The following LRBA variants were observed in gnomAD, a reference collection of about 807,000 sequenced individuals.
LRBA encodes the protein LPS responsive beige-like anchor protein, also known as lipopolysaccharide-responsive and beige-like anchor protein.
In LRBA, 176 loss-of-function variants were observed where a neutral mutation model predicts 330.0. The ratio of observed to expected loss-of-function variants is 0.53; its 90% CI spans 0.47 to 0.60. LRBA has a LOEUF of 0.60. Ranked by LOEUF, LRBA falls within the 20% of genes least tolerant of loss-of-function variation. LRBA has a pLI of 0.00. For missense variants in LRBA, 3,259 were observed against 3,444.8 expected, an observed-to-expected ratio of 0.95 and a Z score of 1.35; for synonymous variants, 1,230 against 1,193.0, an observed-to-expected ratio of 1.03 and a Z score of -0.64.
Position 150,905,870 on chromosome 4 carries a change from TAAG to T in LRBA, c.1720_1722del (p.Leu574del). 2 of 1,613,652 alleles carry T rather than the reference TAAG, an allele frequency of 1.2e-6. No individual in the cohort carries two copies. Among genetic ancestry groups the T allele is most frequent in the Non-Finnish European group, 1.7e-6 (2 of 1,179,662 alleles). On this transcript the variant is annotated inframe_deletion, in exon 13 of 57. Coordinates refer to ENST00000651943, the MANE Select transcript of LRBA (RefSeq NM_001364905.1). Reference sequence around the variant, plus strand: ...GGGGTATGAATCCATATGGCAGGATTAAGAAGAACGTGATCACACAATTGCTTG... The same window carrying T: ...GGGGTATGAATCCATATGGCAGGATTAAGAACGTGATCACACAATTGCTTG...
At chr4:150,600,361 C>A (rs1022002118) in intron 37 of LRBA, among the ~76,000 whole-genome samples, 3 of 151,966 alleles carry the variant, frequency 2.0e-5, no homozygotes, top group Non-Finnish European at 2.9e-5. Flanking sequence ...TCCCAAACTA[C>A]CCAAGTAAAA....
intron 2 of LRBA, among the ~76,000 whole-genome samples, chr4:150,943,503 C>T (rs549435604): frequency 4.1e-4 from 63 of 152,150 alleles, no homozygotes; most frequent in Non-Finnish European, 7.8e-4. Context: ...TTCACCCAGA[C>T]CCCTAAATCC....
chr4:150,500,446 G>A (rs1438721219), intron 40 of LRBA, among the ~76,000 whole-genome samples: 11 of 151,926 alleles, frequency 7.2e-5, no homozygotes, highest in African/African-American at 1.5e-4. Context: ...GTCTGGTGGC[G>A]GGCGCCTGTA....
At chr4:150,888,619 C>T (rs796910311) in intron 17 of LRBA, among the ~76,000 whole-genome samples, 12 of 151,712 alleles carry the variant, frequency 7.9e-5, no homozygotes, top group African/African-American at 2.2e-4. Flanking sequence ...TCTAGAGCAA[C>T]CACCAAAAAA....
At chr4:150,421,508 T>C (rs1401438165) in intron 46 of LRBA, among the ~76,000 whole-genome samples, 1 of 151,970 alleles carries the variant, frequency 6.6e-6, no homozygotes, top group East Asian at 1.9e-4. Context: ...AAGGGTGATG[T>C]AGCACATCAT....
chr4:150,518,623 C>T (rs893123433), intron 40 of LRBA, among the ~76,000 whole-genome samples: 10 of 152,128 alleles, frequency 6.6e-5, no homozygotes, highest in African/African-American at 2.4e-4. Flanking sequence ...TCCCTTCCTT[C>T]TCATTGTCCT....
intron 30 of LRBA, among the ~76,000 whole-genome samples, chr4:150,820,921 G>C (rs1353907380): frequency 2.6e-5 from 4 of 151,986 alleles, no homozygotes; most frequent in Admixed American, 2.6e-4. Flanking sequence ...CAATAGTTAA[G>C]ATTGATCATG....
At chr4:150,911,414 T>G (rs1022697017) in intron 9 of LRBA, among the ~76,000 whole-genome samples, 17 of 152,114 alleles carry the variant, frequency 1.1e-4, no homozygotes, top group African/African-American at 4.1e-4. Flanking sequence ...GAAAGAGTGT[T>G]GAATTTTGTC....
At chr4:150,858,074 G>A (rs932947017) in intron 22 of LRBA, among the ~76,000 whole-genome samples, 6 of 152,144 alleles carry the variant, frequency 3.9e-5, no homozygotes, top group Non-Finnish European at 8.8e-5. Context: ...TTGGATAATG[G>A]ATAATTTTTG....
intron 34 of LRBA, among the ~76,000 whole-genome samples, chr4:150,767,340 C>G (rs1164313252): frequency 6.6e-6 from 1 of 152,068 alleles, no homozygotes; most frequent in African/African-American, 2.4e-5. Context: ...TGTTCTAAAG[C>G]AGAAAAAATC....
intron 47 of LRBA, among the ~76,000 whole-genome samples, chr4:150,414,439 C>T (rs952465819): frequency 2.6e-5 from 4 of 152,086 alleles, no homozygotes; most frequent in Non-Finnish European, 5.9e-5. Context: ...ACTGAGATTT[C>T]ACTTTTAATG....
chr4:150,990,308 G>A (rs1741928127), intron 2 of LRBA, among the ~76,000 whole-genome samples: 1 of 152,138 alleles, frequency 6.6e-6, no homozygotes, highest in Non-Finnish European at 1.5e-5. Flanking sequence ...TCTAAAAAGT[G>A]TCATTACATA....
intron 40 of LRBA, among the ~76,000 whole-genome samples, chr4:150,538,330 T>C (rs900602208): frequency 2.0e-5 from 3 of 152,140 alleles, no homozygotes; most frequent in African/African-American, 4.8e-5. Flanking sequence ...AAAAGACACA[T>C]GCACTGGTAT....
intron 35 of LRBA, among the ~76,000 whole-genome samples, chr4:150,747,944 C>T (rs888306977): frequency 7.2e-5 from 11 of 152,168 alleles, no homozygotes; most frequent in African/African-American, 1.4e-4. Flanking sequence ...AAAATCTTCA[C>T]GTGGATACCC....
chr4:150,563,307 G>C (rs1183423762), intron 40 of LRBA, among the ~76,000 whole-genome samples: 3 of 152,106 alleles, frequency 2.0e-5, no homozygotes, highest in Non-Finnish European at 4.4e-5. Flanking sequence ...AAAACTATAT[G>C]ATTATCTCAA....
chr4:150,710,136 G>T (rs1786034791), intron 36 of LRBA, among the ~76,000 whole-genome samples: 1 of 152,110 alleles, frequency 6.6e-6, no homozygotes, highest in Non-Finnish European at 1.5e-5. Context: ...TTGAACTATA[G>T]ATGTGATGGT....
chr4:150,921,411 T>C (rs570828753), intron 4 of LRBA, 118 bp from the exon 5 acceptor site: 7 of 642,968 alleles, frequency 1.1e-5, no homozygotes, highest in South Asian at 8.0e-5. Flanking sequence ...GTTAAAAGCA[T>C]AGAAAATAAT....
At position 150,265,488 on chromosome 4, in the gene LRBA, T is replaced by A; in HGVS notation, c.*234A>T. On this transcript the variant is annotated 3_prime_UTR_variant, in exon 57 of 57. Coordinates refer to ENST00000651943, the MANE Select transcript of LRBA (RefSeq NM_001364905.1). ...ATTGGTGAAAATAGACTTCTCATTA[T>A]GACTAAAAATATAGATTTTTTAAAA... is the stretch of plus-strand genomic sequence containing the variant. 1 of 382,080 alleles carries A rather than the reference T, an allele frequency of 2.6e-6. No homozygotes were observed. Among genetic ancestry groups the A allele is most frequent in the South Asian group, 3.5e-5 (1 of 28,918 alleles). The allele number at this position is 382,080 out of a possible 1,614,324, so 23.7% of individuals were successfully genotyped here. A position where few individuals can be genotyped will look rare whatever the true frequency, so the allele number is the denominator to read the frequency against.
chr4:150,724,246 A>G (rs1269058207), intron 36 of LRBA, among the ~76,000 whole-genome samples: 1 of 152,242 alleles, frequency 6.6e-6, no homozygotes, highest in East Asian at 1.9e-4. Context: ...CCACACCCCC[A>G]GTTGCAGGTG....
Sources: gnomAD v4.1 joint callset for allele counts (sites outside exome capture counted in the v4.1 genomes callset) on GRCh38, gnomAD v4.1.1 for gene constraint, MANE v1.5 for transcripts, NCBI Gene and HGNC (gene_info 2026-07-23, HGNC 2026-07-21) for gene names.